The following C11orf65 variants were observed in gnomAD, a reference collection of about 807,000 sequenced individuals.
C11orf65 encodes the protein chromosome 11 open reading frame 65, also known as protein MFI.
In C11orf65, 38 loss-of-function variants were observed where a neutral mutation model predicts 35.3. The ratio of observed to expected loss-of-function variants is 1.08; its 90% CI spans 0.83 to 1.41. The LOEUF is 1.41. Ranked by LOEUF, C11orf65 falls within the 40% of genes most tolerant of loss-of-function variation. C11orf65 has a pLI of 0.00. For missense variants in C11orf65, 370 were observed against 367.1 expected (o/e 1.01, Z -0.06); for synonymous variants, 105 against 114.4 (o/e 0.92, Z 0.53).
intron 2 of C11orf65, among the ~76,000 whole-genome samples, chr11:108,450,691 G>A (rs1230577600): frequency 6.7e-6 from 1 of 150,132 alleles, no homozygotes; most frequent in East Asian, 2.0e-4. Flanking sequence ...GAGTTAATGG[G>A]TGCAGTACAC....
chr11:108,312,595 C>T (rs2084269786), intron 6 of C11orf65: 1 of 880,890 alleles, frequency 1.1e-6, no homozygotes, highest in South Asian at 1.4e-5. Flanking sequence ...GATTTTTAAA[C>T]TGAATTTACT....
In C11orf65 at chr11:108,389,261, T is replaced by C. The variant is rs144717040; in HGVS notation, c.732-3286A>G. Reference sequence around the variant, plus strand: ...GGTCTACAAAGGTCAAACGGGGAAGTAGACTGTGGAGACCATAAATGTGCT... The same window carrying C: ...GGTCTACAAAGGTCAAACGGGGAAGCAGACTGTGGAGACCATAAATGTGCT... On this transcript the variant is annotated intron_variant, in intron 7 of 8. Coordinates refer to ENST00000393084, the MANE Select transcript of C11orf65 (RefSeq NM_152587.5). Among the ~76,000 whole-genome samples, 230 of 152,334 alleles carry C rather than the reference T, an allele frequency of 1.5e-3. 1 individual carries two copies. Among genetic ancestry groups the C allele is most frequent in the Admixed American group, 2.4e-3 (36 of 15,312 alleles).
At chr11:108,451,860 C>T (rs1255804783) in intron 2 of C11orf65, among the ~76,000 whole-genome samples, 1 of 152,170 alleles carries the variant, frequency 6.6e-6, no homozygotes, top group Non-Finnish European at 1.5e-5. Flanking sequence ...CACACATCTA[C>T]AACCATCTGA....
At chr11:108,461,133 G>A (rs907567847) in intron 2 of C11orf65, among the ~76,000 whole-genome samples, 5 of 152,166 alleles carry the variant, frequency 3.3e-5, no homozygotes, top group Non-Finnish European at 5.9e-5. Context: ...TGGGTGCAGT[G>A]GCTCACGCCT....
intron 6 of C11orf65, among the ~76,000 whole-genome samples, chr11:108,398,743 A>G (rs929072524): frequency 2.6e-5 from 4 of 152,212 alleles, no homozygotes; most frequent in Non-Finnish European, 5.9e-5. Flanking sequence ...TCAGCCTGTA[A>G]CCACACTTCC....
chr11:108,468,072 T>TCC (rs545018103), upstream of C11orf65, among the ~76,000 whole-genome samples: 53 of 151,978 alleles, frequency 3.5e-4, no homozygotes, highest in African/African-American at 1.3e-3. Context: ...GCTCCAGCGA[T>TCC]CCCCCCCTAC....
chr11:108,417,599 C>G (rs1055648986), intron 3 of C11orf65, among the ~76,000 whole-genome samples: 1 of 151,002 alleles, frequency 6.6e-6, no homozygotes, highest in Non-Finnish European at 1.5e-5. Context: ...TAAAAAGACA[C>G]AGCAAAAATG....
downstream of C11orf65, among the ~76,000 whole-genome samples, chr11:108,380,213 C>G (rs1215034639): frequency 1.3e-5 from 2 of 152,184 alleles, no homozygotes; most frequent in East Asian, 3.9e-4. Flanking sequence ...CTTACTACAG[C>G]TCCACTTAGG....
chr11:108,425,899 C>A (rs1216448661), intron 3 of C11orf65, among the ~76,000 whole-genome samples: 2 of 152,274 alleles, frequency 1.3e-5, no homozygotes, highest in South Asian at 2.1e-4. Flanking sequence ...ACAAAAACCA[C>A]GTGATTATCT....
intron 1 of C11orf65, among the ~76,000 whole-genome samples, chr11:108,464,970 GA>G (rs2093517383): frequency 6.6e-6 from 1 of 151,970 alleles, no homozygotes; most frequent in Non-Finnish European, 1.5e-5. Context: ...CTAAATTTTA[GA>G]AAAGTAAAAA....
chr11:108,450,672 C>G (rs1293760505), intron 2 of C11orf65, among the ~76,000 whole-genome samples: 2 of 149,136 alleles, frequency 1.3e-5, no homozygotes, highest in Non-Finnish European at 3.0e-5. Context: ...ATACCTAATG[C>G]TAAATGATGA....
intron 2 of C11orf65, among the ~76,000 whole-genome samples, chr11:108,449,761 G>T (rs1311031400): frequency 2.0e-5 from 3 of 151,940 alleles, no homozygotes; most frequent in Admixed American, 2.0e-4. Flanking sequence ...AAAAGCAATG[G>T]CAACAAAAGC....
intron 2 of C11orf65, chr11:108,347,449 A>T: frequency 8.9e-7 from 1 of 1,127,694 alleles, no homozygotes; most frequent in South Asian, 1.3e-5. Context: ...AGATATTACA[A>T]ATATAAGAGA....
chr11:108,331,872 C>A lies in C11orf65; in HGVS notation c.300-305G>T, dbSNP rs730881276. 1.9e-6 allele frequency: 3 copies of A among 1,612,904 alleles called. No homozygotes were observed. Among genetic ancestry groups the A allele is most frequent in the African/African-American group, 2.7e-5 (2 of 74,974 alleles). On this transcript the variant is annotated intron_variant, in intron 3 of 3. Coordinates refer to the C11orf65 transcript ENST00000524755. ...TTTGCATAAATCTAATAGTTCTTTTCTTACAGCTAATCTCTAGAATTTCAA... is the reference window on the plus strand; with the variant it reads ...TTTGCATAAATCTAATAGTTCTTTTATTACAGCTAATCTCTAGAATTTCAA...
rs1423204504 is a variant in C11orf65, at chr11:108,440,873, T to C, written c.82-9035A>G. 2.6e-5 allele frequency among the ~76,000 whole-genome samples: 4 copies of C among 152,010 alleles called. No homozygotes were observed. The East Asian group carries it at 5.8e-4, about 22-fold the overall frequency. ...AAGAGGAGGTTCCAAGATGGCCAAA[T>C]AGGAAGAGCCCCAGTCTACAGCTCC... On this transcript the variant is annotated intron_variant, in intron 2 of 8. Coordinates refer to ENST00000393084, the MANE Select transcript of C11orf65 (RefSeq NM_152587.5).
intron 2 of C11orf65, among the ~76,000 whole-genome samples, chr11:108,342,645 G>T (rs2087728921): frequency 6.6e-6 from 1 of 151,602 alleles, no homozygotes; most frequent in South Asian, 2.1e-4. Flanking sequence ...TGGATAAAAG[G>T]GTATCTGTTA....
At chr11:108,310,467 T>A in intron 6 of C11orf65, 3 of 718,940 alleles carry the variant, frequency 4.2e-6, no homozygotes, top group South Asian at 2.1e-5. Context: ...AATAAATTTT[T>A]AAAAAGGAAT....
At position 108,461,514 on chromosome 11, in the gene C11orf65, C is replaced by A. The variant is rs2093472948; in HGVS notation, c.46G>T (p.Ala16Ser). 1 of 1,610,326 alleles carries A rather than the reference C, an allele frequency of 6.2e-7. No individual in the cohort carries two copies. ...ESEFTKQDKA[A>S]RVIQQAWKSF... ...TTCCAGGCCTGCTGAATGACTCTGGCAGCCTTATCCTGCTTTGTAAATTCT... is the reference window on the plus strand; with the variant it reads ...TTCCAGGCCTGCTGAATGACTCTGGAAGCCTTATCCTGCTTTGTAAATTCT... Residue 16 changes from alanine to serine, a missense_variant, in exon 2 of 9, where the codon GCC becomes TCC. Transcript: ENST00000393084.
rs2086256976 is a variant in C11orf65, at chr11:108,331,712, C to T, written c.300-145G>A. On this transcript the variant is annotated intron_variant, in intron 3 of 3. Coordinates refer to the C11orf65 transcript ENST00000524755. ...ATCACATAAGTTACTCATTTTCTCTCTCTAATTCCTCATAGGCCTCTGCCT... is the reference window on the plus strand; with the variant it reads ...ATCACATAAGTTACTCATTTTCTCTTTCTAATTCCTCATAGGCCTCTGCCT... The T allele has an allele frequency of 3.0e-6, 4 of 1,312,608 alleles. No individual in the cohort carries two copies. The South Asian group carries it at 4.5e-5, about 15-fold the overall frequency. 81.3% of individuals were successfully genotyped at this position (1,312,608 alleles called of 1,614,324 possible).
Sources: allele counts gnomAD v4.1 joint callset (sites outside exome capture counted in the v4.1 genomes callset), GRCh38; gene constraint gnomAD v4.1.1; transcripts MANE v1.5; gene names NCBI Gene and HGNC (gene_info 2026-07-23, HGNC 2026-07-21).